ANKRD36B: variants seen among roughly 807,000 people sequenced by gnomAD.
ANKRD36B encodes ankyrin repeat domain-containing protein 36B.
Under a neutral mutation model 135.7 loss-of-function variants are expected in ANKRD36B, and 37 were observed. The observed-to-expected ratio is 0.27, with a 90% CI of 0.21 to 0.36. The LOEUF is 0.36. ANKRD36B is among the 10% of genes least tolerant of loss of function. ANKRD36B has a pLI of 1.00. For missense variants in ANKRD36B, 549 were observed against 1,037.1 expected (o/e 0.53, Z 6.46); for synonymous variants, 179 against 348.1 (o/e 0.51, Z 5.41).
intron 36 of ANKRD36B, among the ~76,000 whole-genome samples, chr2:97,522,174 T>C (rs2077976441): frequency 1.1e-5 from 1 of 91,716 alleles, no homozygotes; most frequent in South Asian, 2.4e-4. Flanking sequence ...TAAATTGGAT[T>C]TCATTACAAT....
At chr2:97,560,175 C>A (rs2104765631) in intron 8 of ANKRD36B, among the ~76,000 whole-genome samples, 1 of 151,928 alleles carries the variant, frequency 6.6e-6, no homozygotes. Context: ...ATACCTTCTT[C>A]TTTTTCCTCC....
intron 16 of ANKRD36B, among the ~76,000 whole-genome samples, chr2:97,551,919 C>T (rs2080105889): frequency 1.3e-5 from 2 of 151,932 alleles, no homozygotes; most frequent in African/African-American, 4.8e-5. Flanking sequence ...CTTTAACTTG[C>T]CCAATATCTA....
rs1369099748 is a variant in ANKRD36B at position 97,540,414 on chromosome 2, TC to T, written c.1886-186del. 3.6e-4 allele frequency among the ~76,000 whole-genome samples: 35 copies of T among 96,530 alleles called. 12 individuals are homozygous for T. The highest frequency in any genetic ancestry group is 3.0e-3 in the East Asian group (13 of 4,306). The allele number at this position is 96,530 out of a possible 152,430, so 63.3% of individuals were successfully genotyped here. ...ACACTGAAAAAAAGTAATACAGCCT[TC>T]ATGAAAAATATACTTACAATTTCAA... On this transcript the variant is annotated intron_variant, in intron 28 of 43. Coordinates refer to ENST00000359901, the MANE Select transcript of ANKRD36B (RefSeq NM_001393939.1).
chr2:97,553,301 T>C (rs748067798), intron 15 of ANKRD36B, 42 bp downstream of exon 15: 1 of 1,607,216 alleles, frequency 6.2e-7, no homozygotes, highest in African/African-American at 1.3e-5. Flanking sequence ...TTTCATAGAC[T>C]ATAGATTTAC....
rs1191773117 is a variant in ANKRD36B at position 97,516,212 on chromosome 2, A to C, written c.2408-267T>G. ...TCCTGTAAAAAAAAAAAAAAAAAAA[A>C]AACATAGTTATGTGATTGCATAAGA... On this transcript the variant is annotated intron_variant, in intron 36 of 43. Coordinates refer to ENST00000359901, the MANE Select transcript of ANKRD36B (RefSeq NM_001393939.1). Among the ~76,000 whole-genome samples, 8 of 62,738 alleles carry C rather than the reference A, an allele frequency of 1.3e-4. 1 individual carries two copies. The highest frequency in any genetic ancestry group is 6.1e-4 in the East Asian group (2 of 3,280). 41.2% of individuals were successfully genotyped at this position (62,738 alleles called of 152,430 possible). A position where few individuals can be genotyped will look rare whatever the true frequency, so the allele number is the denominator to read the frequency against.
intron 16 of ANKRD36B, among the ~76,000 whole-genome samples, chr2:97,552,186 T>C (rs1257684772): frequency 6.6e-6 from 1 of 151,962 alleles, no homozygotes; most frequent in East Asian, 1.9e-4. Context: ...TCATCTATTA[T>C]CAATTTTGAC....
intron 16 of ANKRD36B, 69 bp from the exon 17 acceptor site, chr2:97,551,549 G>C (rs2080070364): frequency 3.1e-6 from 5 of 1,599,166 alleles, no homozygotes; most frequent in Non-Finnish European, 4.3e-6. Flanking sequence ...CATTCATGCA[G>C]TGTTTGTATC....
rs913450394 is a variant in ANKRD36B at position 97,580,552 on chromosome 2, A to T, written c.467T>A (p.Leu156Gln). The change falls in exon 4 of 44, where the codon CTG becomes CAG. Residue 156 changes from leucine to glutamine, a missense_variant. Coordinates refer to ENST00000359901, the MANE Select transcript of ANKRD36B (RefSeq NM_001393939.1). ...TTTTCTTCGACTCACAGCAAGTAAC[A>T]GTGGCTGATATTCATTCTGTAAAAT... ...EECSKNEYQP[L>Q]LLAVSRRKVK... The T allele has an allele frequency of 1.3e-6, 2 of 1,545,430 alleles. No individual in the cohort carries two copies. Among genetic ancestry groups the T allele is most frequent in the Non-Finnish European group, 1.7e-6 (2 of 1,143,782 alleles).
intron 22 of ANKRD36B, 105 bp downstream of exon 22, chr2:97,547,431 A>T: frequency 1.7e-6 from 2 of 1,200,758 alleles, no homozygotes; most frequent in East Asian, 2.5e-5. Flanking sequence ...AGGACTGCTG[A>T]ATCAGAATGT....
At chr2:97,532,611 T>TA (rs2078658203) in intron 34 of ANKRD36B, among the ~76,000 whole-genome samples, 1 of 93,610 alleles carries the variant, frequency 1.1e-5, no homozygotes, top group South Asian at 2.4e-4. Flanking sequence ...TAGTCCCAGC[T>TA]AGTCGGGAGG....
chr2:97,564,852 T>A (rs1298209015), intron 6 of ANKRD36B, among the ~76,000 whole-genome samples: 1 of 152,152 alleles, frequency 6.6e-6, no homozygotes, highest in Non-Finnish European at 1.5e-5. Flanking sequence ...CTTGGCTATA[T>A]GGGCTCTTTT....
rs557377468 is a variant in ANKRD36B at position 97,550,533 on chromosome 2, C to T, written c.1375+756G>A. Among the ~76,000 whole-genome samples, 8 of 151,910 alleles carry T rather than the reference C, an allele frequency of 5.3e-5. 1 individual carries two copies. The highest frequency in any genetic ancestry group is 2.0e-4 in the Admixed American group (3 of 15,224). On this transcript the variant is annotated intron_variant, in intron 18 of 43. Coordinates refer to ENST00000359901, the MANE Select transcript of ANKRD36B (RefSeq NM_001393939.1). ...AACAGCTATTTTATACAAGAGGTAG[C>T]TCCTTGAACAAGGAAGCCAATGTGT...
At chr2:97,559,211 T>C (rs1481412597) in intron 8 of ANKRD36B, among the ~76,000 whole-genome samples, 1 of 151,686 alleles carries the variant, frequency 6.6e-6, no homozygotes, top group Non-Finnish European at 1.5e-5. Flanking sequence ...ATTTCAAACA[T>C]GGTATGATTC....
intron 8 of ANKRD36B, among the ~76,000 whole-genome samples, chr2:97,560,135 T>G (rs1282938901): frequency 2.0e-5 from 3 of 151,754 alleles, no homozygotes; most frequent in Non-Finnish European, 4.4e-5. Context: ...TCACTCAGGT[T>G]TCCTCAGCAG....
intron 14 of ANKRD36B, 94 bp downstream of exon 14, chr2:97,554,966 A>T: frequency 6.9e-7 from 1 of 1,455,482 alleles, no homozygotes; most frequent in Non-Finnish European, 9.5e-7. Flanking sequence ...CAGAATGTGC[A>T]GCTTTGATGA....
intron 4 of ANKRD36B, among the ~76,000 whole-genome samples, chr2:97,579,628 A>G (rs986623377): frequency 2.7e-5 from 3 of 110,752 alleles, no homozygotes; most frequent in Non-Finnish European, 6.4e-5. Flanking sequence ...TATATAATCT[A>G]TAAAATATAT....
rs6761299 is a variant in ANKRD36B, at chr2:97,545,841, A to C, written c.1600T>G (p.Ser534Ala). 2.5e-5 allele frequency: 24 copies of C among 960,390 alleles called. 3 individuals are homozygous for C. The African/African-American group carries it at 2.8e-4, about 11-fold the overall frequency. 59.5% of individuals were successfully genotyped at this position (960,390 alleles called of 1,614,324 possible). ...TRRVSSHKQP[S>A]LKATSDKEDS... The stretch of plus-strand genomic sequence containing the variant: ...AAAGAGAGTTTAATTACCTTCAAGG[A>C]TGGTTGTTTATGAGAAGACACTGAA... The change falls in exon 23 of 44, where the codon TCC becomes GCC. Residue 534 changes from serine to alanine, a missense_variant. Ser to Ala is a moderately conservative substitution (Grantham distance 99). Coordinates refer to ENST00000359901, the MANE Select transcript of ANKRD36B (RefSeq NM_001393939.1).
intron 6 of ANKRD36B, among the ~76,000 whole-genome samples, chr2:97,564,426 G>A (rs1403849230): frequency 6.6e-6 from 1 of 152,048 alleles, no homozygotes; most frequent in East Asian, 1.9e-4. Flanking sequence ...CATTGCTTTT[G>A]GTGTTTTAGT....
chr2:97,572,274 T>C (rs2081929634), intron 6 of ANKRD36B, among the ~76,000 whole-genome samples: 1 of 110,588 alleles, frequency 9.0e-6, no homozygotes, highest in Non-Finnish European at 2.1e-5. Context: ...AGCAAAAGAC[T>C]CAATCTCAAA....
Sources: gnomAD v4.1 joint callset for allele counts (sites outside exome capture counted in the v4.1 genomes callset) on GRCh38, gnomAD v4.1.1 for gene constraint, MANE v1.5 for transcripts, NCBI Gene and HGNC (gene_info 2026-07-23, HGNC 2026-07-21) for gene names.